Variants in HTR1F observed in about 807,000 individuals in gnomAD.
HTR1F encodes 5-hydroxytryptamine receptor 1F.
A neutral mutation model predicts 24.0 loss-of-function variants in HTR1F; 17 were observed. The ratio of observed to expected loss-of-function variants is 0.71; its 90% CI spans 0.48 to 1.06. The LOEUF is 1.06. HTR1F is among the 50% of genes least tolerant of loss of function. HTR1F has a pLI of 0.00. For missense variants in HTR1F, 391 were observed against 427.8 expected, an observed-to-expected ratio of 0.91 and a Z score of 0.76; for synonymous variants, 186 against 156.8, an observed-to-expected ratio of 1.19 and a Z score of -1.39.
At chr3:87,941,350 G>A (rs1452149780) in intron 2 of HTR1F, among the ~76,000 whole-genome samples, 1 of 152,172 alleles carries the variant, frequency 6.6e-6, no homozygotes, top group Non-Finnish European at 1.5e-5. Context: ...AGTATAGGCT[G>A]GATACGATCC....
At chr3:87,935,151 A>G (rs1391480737) in intron 2 of HTR1F, among the ~76,000 whole-genome samples, 6 of 152,200 alleles carry the variant, frequency 3.9e-5, no homozygotes, top group Admixed American at 3.3e-4. Context: ...TACAGGTGTG[A>G]ACCACCATCT....
chr3:87,931,464 T>A (rs1465996626), intron 2 of HTR1F, among the ~76,000 whole-genome samples: 2 of 152,158 alleles, frequency 1.3e-5, no homozygotes, highest in Non-Finnish European at 2.9e-5. Context: ...GACATTTGGG[T>A]TGGTTCCAAG....
chr3:87,954,474 T>A (rs1404093917), intron 2 of HTR1F, among the ~76,000 whole-genome samples: 1 of 151,776 alleles, frequency 6.6e-6, no homozygotes, highest in Non-Finnish European at 1.5e-5. Context: ...ATTAAACCTG[T>A]TCTAAGCTAT....
intron 1 of HTR1F, among the ~76,000 whole-genome samples, chr3:87,811,201 G>T (rs570115227): frequency 2.6e-5 from 4 of 151,832 alleles, no homozygotes; most frequent in African/African-American, 7.3e-5. Flanking sequence ...TGGCTCACTA[G>T]TTCCTCTGAA....
intron 2 of HTR1F, among the ~76,000 whole-genome samples, chr3:87,957,600 C>T (rs1704972857): frequency 1.3e-5 from 2 of 151,312 alleles, no homozygotes; most frequent in African/African-American, 4.8e-5. Context: ...GGTTCTCCAG[C>T]TTATCTATTT....
At chr3:87,842,078 G>T (rs1704820812) in intron 2 of HTR1F, among the ~76,000 whole-genome samples, 1 of 151,644 alleles carries the variant, frequency 6.6e-6, no homozygotes, top group Non-Finnish European at 1.5e-5. Flanking sequence ...TCCCATTAAG[G>T]TTACATTGTA....
At chr3:87,914,832 T>G (rs1419302248) in intron 2 of HTR1F, among the ~76,000 whole-genome samples, 1 of 151,938 alleles carries the variant, frequency 6.6e-6, no homozygotes, top group Non-Finnish European at 1.5e-5. Flanking sequence ...TTCCTCCCCA[T>G]ACTACCACAG....
intron 2 of HTR1F, among the ~76,000 whole-genome samples, chr3:87,942,444 C>T (rs546129078): frequency 2.0e-4 from 31 of 152,206 alleles, no homozygotes; most frequent in Admixed American, 1.4e-3. Context: ...GTGAGGGTGA[C>T]GGCATCGGCT....
intron 2 of HTR1F, among the ~76,000 whole-genome samples, chr3:87,955,370 T>A (rs746427383): frequency 6.6e-5 from 10 of 151,588 alleles, no homozygotes; most frequent in Non-Finnish European, 1.5e-4. Context: ...GTTGCATGTA[T>A]CAGTAGTTTC....
chr3:87,961,008 AC>A (rs1559649473), intron 2 of HTR1F, among the ~76,000 whole-genome samples: 143 of 152,088 alleles, frequency 9.4e-4, no homozygotes, highest in African/African-American at 3.3e-3. Flanking sequence ...GTGCACACAC[AC>A]ACACACACAC....
chr3:87,975,918 G>T (rs1448788988), intron 2 of HTR1F, among the ~76,000 whole-genome samples: 1 of 152,146 alleles, frequency 6.6e-6, no homozygotes, highest in East Asian at 1.9e-4. Context: ...CAAATCAACT[G>T]CCCAATTTCA....
At chr3:87,989,143 T>C (rs1423079001) in intron 2 of HTR1F, among the ~76,000 whole-genome samples, 1 of 152,192 alleles carries the variant, frequency 6.6e-6, no homozygotes, top group South Asian at 2.1e-4. Context: ...TTTAAAAAAA[T>C]GCTATTTATC....
At chr3:87,835,254 G>T (rs1704659028) in intron 2 of HTR1F, among the ~76,000 whole-genome samples, 2 of 151,952 alleles carry the variant, frequency 1.3e-5, no homozygotes, top group Non-Finnish European at 2.9e-5. Context: ...CCTGGCAATG[G>T]CAAAGGACCC....
intron 2 of HTR1F, among the ~76,000 whole-genome samples, chr3:87,914,416 T>C (rs182770060): frequency 1.3e-5 from 2 of 152,216 alleles, no homozygotes; most frequent in Admixed American, 1.3e-4. Context: ...TCAAATCCCT[T>C]TTCTTTCACA....
At chr3:87,975,053 T>C (rs1195932981) in intron 2 of HTR1F, among the ~76,000 whole-genome samples, 1 of 152,146 alleles carries the variant, frequency 6.6e-6, no homozygotes, top group African/African-American at 2.4e-5. Flanking sequence ...CTAAAACATA[T>C]GAATTTTATT....
chr3:87,843,116 T>C (rs966990488), intron 2 of HTR1F, among the ~76,000 whole-genome samples: 2 of 151,902 alleles, frequency 1.3e-5, no homozygotes, highest in Non-Finnish European at 2.9e-5. Context: ...GGAATGATGC[T>C]ACACATTTCC....
chr3:87,821,989 T>C lies in HTR1F; in HGVS notation c.-159-19T>C, dbSNP rs1456199167. Reference sequence around the variant, plus strand: ...AGAAGAGACAAGAAATGATTTGTTTTATTCTTTGCTTTTTTAAGGAGGAGT... The same window carrying C: ...AGAAGAGACAAGAAATGATTTGTTTCATTCTTTGCTTTTTTAAGGAGGAGT... On this transcript the variant is annotated intron_variant, in intron 1 of 2. Transcript: ENST00000319595. 6.6e-6 allele frequency among the ~76,000 whole-genome samples: 1 copy of C among 152,184 alleles called. No individual in the cohort carries two copies. The highest frequency in any genetic ancestry group is 1.5e-5 in the Non-Finnish European group (1 of 68,036).
intron 2 of HTR1F, among the ~76,000 whole-genome samples, chr3:87,928,072 G>A (rs1405497241): frequency 1.4e-5 from 2 of 143,586 alleles, no homozygotes; most frequent in South Asian, 2.2e-4. Flanking sequence ...TTGAGACAGA[G>A]TCTTGCTCTG....
At chr3:87,988,065 C>A (rs1576126482) in intron 2 of HTR1F, among the ~76,000 whole-genome samples, 1 of 151,816 alleles carries the variant, frequency 6.6e-6, no homozygotes, top group East Asian at 1.9e-4. Flanking sequence ...ACTCCCTGGA[C>A]CAACAGCATC....
Sources: allele counts gnomAD v4.1 joint callset (sites outside exome capture counted in the v4.1 genomes callset), GRCh38; gene constraint gnomAD v4.1.1; transcripts MANE v1.5; gene names NCBI Gene and HGNC (gene_info 2026-07-23, HGNC 2026-07-21).